The following DLGAP1 variants were observed in gnomAD, a reference collection of about 807,000 sequenced individuals.
The protein encoded by DLGAP1 is disks large-associated protein 1.
Under a neutral mutation model 90.8 loss-of-function variants are expected in DLGAP1, and 11 were observed. The ratio of observed to expected loss-of-function variants is 0.12; its 90% CI spans 0.08 to 0.20. DLGAP1 has a LOEUF of 0.20. DLGAP1 is among the 10% of genes least tolerant of loss of function. The pLI is 1.00. For missense variants in DLGAP1, 1,050 were observed against 1,333.8 expected (o/e 0.79, Z 3.31); for synonymous variants, 558 against 540.7 (o/e 1.03, Z -0.44).
intron 3 of DLGAP1, chr18:3,977,811 C>G (rs1235903964): frequency 5.1e-6 from 2 of 392,848 alleles, no homozygotes; most frequent in African/African-American, 4.2e-5. Flanking sequence ...AGGCGACAAC[C>G]TGGTGCTCAG....
chr18:3,860,098 C>CAAAAAAAAAAAAAAAAAAAA (rs1169488386), intron 4 of DLGAP1, among the ~76,000 whole-genome samples: 2 of 104,916 alleles, frequency 1.9e-5, no homozygotes, highest in African/African-American at 4.1e-5. Flanking sequence ...GACTCTGTCT[C>CAAAAAAAAAAAAAAAAAAAA]AAAAAATAAA....
At chr18:4,277,387 C>T (rs907991509) in intron 1 of DLGAP1, among the ~76,000 whole-genome samples, 19 of 152,152 alleles carry the variant, frequency 1.2e-4, no homozygotes, top group African/African-American at 4.1e-4. Flanking sequence ...TGCACTGTTT[C>T]ACTGTAATAC....
chr18:4,061,834 A>C (rs1177750915), intron 2 of DLGAP1, among the ~76,000 whole-genome samples: 2 of 146,830 alleles, frequency 1.4e-5, no homozygotes, highest in African/African-American at 2.6e-5. Context: ...TGGCTTCCCT[A>C]GGACTTTTTG....
At chr18:3,938,704 G>A (rs79131058) in intron 3 of DLGAP1, among the ~76,000 whole-genome samples, 3 of 152,304 alleles carry the variant, frequency 2.0e-5, no homozygotes, top group Non-Finnish European at 4.4e-5. Context: ...GCAAGGAGAA[G>A]TGTGGTGCAA....
intron 2 of DLGAP1, among the ~76,000 whole-genome samples, chr18:4,033,259 C>T (rs369050128): frequency 9.2e-5 from 14 of 151,886 alleles, no homozygotes; most frequent in Non-Finnish European, 1.6e-4. Context: ...GACCATCACC[C>T]GCCAGTTCCT....
intron 2 of DLGAP1, among the ~76,000 whole-genome samples, chr18:4,024,963 C>T (rs960657408): frequency 5.9e-5 from 9 of 152,134 alleles, no homozygotes; most frequent in African/African-American, 2.2e-4. Context: ...AGGGACCAGG[C>T]AGAGAGCAGG....
chr18:4,056,816 G>A (rs2143199057), intron 2 of DLGAP1, among the ~76,000 whole-genome samples: 1 of 152,200 alleles, frequency 6.6e-6, no homozygotes, highest in African/African-American at 2.4e-5. Context: ...TGAATCTACA[G>A]AGCCCTTTTA....
chr18:4,455,228 G>C lies in DLGAP1; in HGVS notation c.-489C>G, dbSNP rs976216981. 2 of 151,644 alleles carry C rather than the reference G, an allele frequency of 1.3e-5. No individual in the cohort carries two copies. Among genetic ancestry groups the C allele is most frequent in the Admixed American group, 6.6e-5 (1 of 15,230 alleles). The allele number at this position is 151,644 out of a possible 1,614,324, so 9.4% of individuals were successfully genotyped here. ...CGCGAGGCCGTGTCCTGGAGATTGC[G>C]GCGCCCGAAGCGCAGCGCTCGCCTC... On this transcript the variant is annotated 5_prime_UTR_variant, in exon 1 of 13. Transcript: ENST00000315677.
At chr18:4,445,370 A>G (rs1484438073) in intron 1 of DLGAP1, among the ~76,000 whole-genome samples, 1 of 151,480 alleles carries the variant, frequency 6.6e-6, no homozygotes, top group African/African-American at 2.4e-5. Flanking sequence ...ATACGTATAC[A>G]TGTGCCATGC....
chr18:4,188,135 A>C (rs2077331922), intron 1 of DLGAP1, among the ~76,000 whole-genome samples: 13 of 152,136 alleles, frequency 8.5e-5, no homozygotes, highest in Admixed American at 8.5e-4. Flanking sequence ...TTGGTGATAA[A>C]ATTTCAAAAA....
At chr18:4,453,909 C>T (rs548130230) in intron 1 of DLGAP1, among the ~76,000 whole-genome samples, 186 of 152,274 alleles carry the variant, frequency 1.2e-3, no homozygotes, top group South Asian at 5.6e-3. Flanking sequence ...CACTGCTTGC[C>T]GCCTGGCTAC....
chr18:4,262,940 TA>T (rs746587619), intron 1 of DLGAP1, among the ~76,000 whole-genome samples: 2 of 152,076 alleles, frequency 1.3e-5, no homozygotes, highest in Non-Finnish European at 2.9e-5. Context: ...ATTATTTTAT[TA>T]TTTTTTTTTT....
chr18:4,337,613 A>G (rs976534040), intron 1 of DLGAP1, among the ~76,000 whole-genome samples: 2 of 152,166 alleles, frequency 1.3e-5, no homozygotes, highest in Non-Finnish European at 2.9e-5. Flanking sequence ...AAATCACACA[A>G]ATCTCCTCAA....
At chr18:3,871,977 A>G (rs566914219) in intron 4 of DLGAP1, among the ~76,000 whole-genome samples, 1 of 152,300 alleles carries the variant, frequency 6.6e-6, no homozygotes, top group East Asian at 1.9e-4. Flanking sequence ...GAAGTTTCCT[A>G]ATTCTGTGAA....
At chr18:4,120,466 T>G (rs758223956) in intron 2 of DLGAP1, among the ~76,000 whole-genome samples, 1 of 152,214 alleles carries the variant, frequency 6.6e-6, no homozygotes, top group Non-Finnish European at 1.5e-5. Flanking sequence ...CAGTTTGATC[T>G]TGATGTGAAC....
At chr18:4,165,063 G>A (rs1237010871) in intron 1 of DLGAP1, among the ~76,000 whole-genome samples, 1 of 152,080 alleles carries the variant, frequency 6.6e-6, no homozygotes, top group Admixed American at 6.6e-5. Flanking sequence ...AGAGGGTGGG[G>A]CTGAAAGAAT....
chr18:4,311,107 A>G (rs1238574904), intron 1 of DLGAP1, among the ~76,000 whole-genome samples: 1 of 152,230 alleles, frequency 6.6e-6, no homozygotes, highest in Non-Finnish European at 1.5e-5. Flanking sequence ...CATTATACAA[A>G]GTAAGCCCAG....
At chr18:3,703,957 G>C (rs1163984340) in intron 7 of DLGAP1, among the ~76,000 whole-genome samples, 1 of 152,166 alleles carries the variant, frequency 6.6e-6, no homozygotes, top group African/African-American at 2.4e-5. Flanking sequence ...ACAGTTCCCA[G>C]AGCAGCAGTC....
At chr18:4,102,786 AT>A (rs2075800977) in intron 2 of DLGAP1, among the ~76,000 whole-genome samples, 1 of 152,130 alleles carries the variant, frequency 6.6e-6, no homozygotes, top group Non-Finnish European at 1.5e-5. Context: ...ACATACTTGA[AT>A]GTATTTTGGT....
Sources: gnomAD v4.1 joint callset for allele counts (sites outside exome capture counted in the v4.1 genomes callset) on GRCh38, gnomAD v4.1.1 for gene constraint, MANE v1.5 for transcripts, NCBI Gene and HGNC (gene_info 2026-07-23, HGNC 2026-07-21) for gene names.